The following DST variants were observed in gnomAD, a reference collection of about 807,000 sequenced individuals.
DST encodes bullous pemphigoid antigen.
Under a neutral mutation model 875.2 loss-of-function variants are expected in DST, and 253 were observed. The ratio of observed to expected loss-of-function variants is 0.29; its 90% CI spans 0.26 to 0.32. DST has a LOEUF of 0.32. Among genes scored for constraint, DST ranks in the 10% least tolerant of loss-of-function variants. DST has a pLI of 1.00. For synonymous variants in DST, 3,124 were observed against 3,197.1 expected, an observed-to-expected ratio of 0.98 and a Z score of 0.77; for missense variants, 8,287 against 9,111.6, an observed-to-expected ratio of 0.91 and a Z score of 3.68.
At chr6:56,657,659 C>T (rs2099016452) in intron 10 of DST, among the ~76,000 whole-genome samples, 1 of 152,060 alleles carries the variant, frequency 6.6e-6, no homozygotes, top group Non-Finnish European at 1.5e-5. Flanking sequence ...AGATGGATGG[C>T]GGTGATGGTT....
intron 4 of DST, among the ~76,000 whole-genome samples, chr6:56,848,222 G>A (rs1218367828): frequency 2.6e-5 from 4 of 152,162 alleles, no homozygotes; most frequent in African/African-American, 9.7e-5. Context: ...TATTGCAGGG[G>A]CTCAATAAGT....
chr6:56,614,426 C>A lies in DST; in HGVS notation c.4988G>T (p.Trp1663Leu). Residue 1663 changes from tryptophan (W) to leucine (L), a missense_variant, in exon 37 of 104, where the codon TGG becomes TTG. Physicochemically the swap from Trp to Leu is moderately conservative, Grantham distance 61. Around this residue, in one of 10 missense-constraint regions of DST, gnomAD observed 3,138 missense variants for 3,116.6 expected, o/e 1.01. Coordinates refer to ENST00000680361, the MANE Select transcript of DST (RefSeq NM_001374736.1). ...HVEKAKELQK[W>L]VSNISKTLKD... is the part of the protein sequence containing the mutation. ...CAATGTCTTGCTGATATTTGATACC[C>A]ATTTTTGCAATTCTTTGGCTTTTTC... 2.5e-6 allele frequency: 4 copies of A among 1,610,722 alleles called. No homozygotes were observed. The highest frequency in any genetic ancestry group is 2.5e-6 in the Non-Finnish European group (3 of 1,178,528).
intron 10 of DST, among the ~76,000 whole-genome samples, chr6:56,666,927 T>C (rs2099075120): frequency 6.6e-6 from 1 of 151,152 alleles, no homozygotes; most frequent in South Asian, 2.1e-4. Context: ...AAAGCTGTAC[T>C]AACAGACTAC....
chr6:56,841,407 G>A (rs950550602), intron 4 of DST, among the ~76,000 whole-genome samples: 1 of 152,182 alleles, frequency 6.6e-6, no homozygotes, highest in South Asian at 2.1e-4. Context: ...AGTGACGTCT[G>A]AACAATATGT....
intron 64 of DST, among the ~76,000 whole-genome samples, 161 bp from the exon 65 acceptor site, chr6:56,530,294 T>A (rs1017594741): frequency 6.6e-6 from 1 of 152,218 alleles, no homozygotes; most frequent in Non-Finnish European, 1.5e-5. Context: ...ATTAAAACAA[T>A]TCTTCTGTTA....
intron 5 of DST, among the ~76,000 whole-genome samples, chr6:56,724,766 T>A (rs1183296205): frequency 6.6e-6 from 1 of 152,220 alleles, no homozygotes; most frequent in Non-Finnish European, 1.5e-5. Flanking sequence ...CTGGCATTCA[T>A]CACTGTAATA....
chr6:56,572,191 G>T lies in DST; in HGVS notation c.13630C>A (p.His4544Asn). ...AAAGCCTTATCACTTGGTAAGCCAT[G>T]GCTGGATATCTCCTTCAAGAGACTA... ...LHSLLKEISS[H>N]GLPSDKALVL... The change falls in exon 53 of 104, where the codon CAT becomes AAT. Residue 4544 changes from histidine (H) to asparagine (N), a missense_variant. His to Asn is a moderately conservative substitution (Grantham distance 68). Around this residue, in one of 10 missense-constraint regions of DST, gnomAD observed 1,513 missense variants for 1,677.8 expected, o/e 0.90. Transcript: ENST00000680361. The T allele has an allele frequency of 6.4e-7, 1 of 1,566,452 alleles. No individual in the cohort carries two copies. Among genetic ancestry groups the T allele is most frequent in the Non-Finnish European group, 8.7e-7 (1 of 1,155,016 alleles).
At chr6:56,882,345 G>A (rs1782629186) in intron 3 of DST, among the ~76,000 whole-genome samples, 2 of 152,104 alleles carry the variant, frequency 1.3e-5, no homozygotes, top group Admixed American at 6.5e-5. Context: ...GAAAGTAAAT[G>A]GGTTATTTTT....
chr6:56,621,015 T>C (rs2098686885), intron 36 of DST, among the ~76,000 whole-genome samples: 1 of 152,154 alleles, frequency 6.6e-6, no homozygotes, highest in South Asian at 2.1e-4. Context: ...TTACAACAGA[T>C]GAGGAAAGGG....
intron 62 of DST, 128 bp from the exon 63 acceptor site, chr6:56,535,420 AT>A: frequency 8.8e-7 from 1 of 1,140,724 alleles, no homozygotes; most frequent in Non-Finnish European, 1.2e-6. Context: ...TTCACTTAAA[AT>A]TTACCCAAAG....
At chr6:56,544,189 G>A (rs975419542) in intron 61 of DST, among the ~76,000 whole-genome samples, 3 of 152,260 alleles carry the variant, frequency 2.0e-5, no homozygotes, top group African/African-American at 7.2e-5. Flanking sequence ...GCACTAGACT[G>A]GGAAATAGTA....
At chr6:56,470,466 TTTAA>T (rs2094828327) in intron 95 of DST, among the ~76,000 whole-genome samples, 184 bp from the exon 96 acceptor site, 1 of 152,294 alleles carries the variant, frequency 6.6e-6, no homozygotes, top group African/African-American at 2.4e-5. Flanking sequence ...TTAATTTATC[TTTAA>T]TTACTATTTA....
At chr6:56,859,566 A>G (rs1446964294) in intron 3 of DST, among the ~76,000 whole-genome samples, 1 of 152,224 alleles carries the variant, frequency 6.6e-6, no homozygotes, top group Non-Finnish European at 1.5e-5. Context: ...AAATAGCCCC[A>G]CAAAACAAAT....
intron 4 of DST, among the ~76,000 whole-genome samples, chr6:56,839,451 A>G (rs1030224438): frequency 6.6e-6 from 1 of 152,352 alleles, no homozygotes; most frequent in Non-Finnish European, 1.5e-5. Flanking sequence ...ATGACTAGCT[A>G]TAATATTATC....
intron 10 of DST, among the ~76,000 whole-genome samples, chr6:56,669,945 T>C (rs1004088824): frequency 6.6e-6 from 1 of 152,206 alleles, no homozygotes; most frequent in African/African-American, 2.4e-5. Flanking sequence ...AAACTGGCAA[T>C]TGTTAAGCCC....
chr6:56,787,137 G>C (rs2099706960), intron 4 of DST, among the ~76,000 whole-genome samples: 2 of 152,176 alleles, frequency 1.3e-5, no homozygotes, highest in Non-Finnish European at 2.9e-5. Context: ...ACAAAAAATG[G>C]TCAAACTATC....
intron 61 of DST, chr6:56,540,280 C>T (rs754109134): frequency 1.3e-5 from 2 of 152,614 alleles, no homozygotes; most frequent in African/African-American, 2.4e-5. Flanking sequence ...CATGAATTAC[C>T]TGAACCAACT....
At chr6:56,851,025 A>G (rs1447029583) in intron 4 of DST, 2 of 224,016 alleles carry the variant, frequency 8.9e-6, no homozygotes, top group Non-Finnish European at 1.8e-5. Context: ...AAATGAAAAT[A>G]AAGGCTGCTC....
intron 4 of DST, among the ~76,000 whole-genome samples, chr6:56,744,864 C>T (rs2099568049): frequency 6.6e-6 from 1 of 152,188 alleles, no homozygotes; most frequent in Non-Finnish European, 1.5e-5. Flanking sequence ...AAAAAGTCCC[C>T]ACTCTCATTT....
Sources: gnomAD v4.1 joint callset for allele counts (sites outside exome capture counted in the v4.1 genomes callset) on GRCh38, gnomAD v4.1.1 for gene constraint, gnomAD v4.1.1 regional missense constraint, MANE v1.5 for transcripts, NCBI Gene and HGNC (gene_info 2026-07-23, HGNC 2026-07-21) for gene names.